The following ADAMTSL1 variants were observed in gnomAD, a reference collection of about 807,000 sequenced individuals.
ADAMTSL1 encodes the protein ADAMTS-like protein 1.
A neutral mutation model predicts 201.8 loss-of-function variants in ADAMTSL1; 126 were observed. That is an observed-to-expected ratio of 0.62 (90% CI 0.54 to 0.72). The LOEUF (loss-of-function observed/expected upper bound fraction) is 0.72. Ranked by LOEUF, ADAMTSL1 falls within the 30% of genes least tolerant of loss-of-function variation. The pLI is 0.00. For missense variants in ADAMTSL1, 2,679 were observed against 2,277.8 expected (o/e 1.18, Z -3.59); for synonymous variants, 1,121 against 903.4 (o/e 1.24, Z -4.32).
At chr9:18,795,549 T>A in intron 20 of ADAMTSL1, 25 bp downstream of exon 20, 3 of 1,585,950 alleles carry the variant, frequency 1.9e-6, no homozygotes, top group Non-Finnish European at 1.7e-6. Flanking sequence ...CCTGTTCTGT[T>A]CATTTCATAA....
intron 1 of ADAMTSL1, among the ~76,000 whole-genome samples, chr9:18,134,600 G>A (rs532814805): frequency 2.0e-5 from 3 of 152,294 alleles, no homozygotes; most frequent in Admixed American, 6.5e-5. Context: ...TTTAACTGAA[G>A]CACACATTTG....
At chr9:17,983,044 A>ATTT (rs1818776574) in intron 1 of ADAMTSL1, among the ~76,000 whole-genome samples, 2 of 79,578 alleles carry the variant, frequency 2.5e-5, no homozygotes, top group Non-Finnish European at 5.7e-5. Context: ...TTTTTTTTTC[A>ATTT]TTTTCTTTTT....
intron 19 of ADAMTSL1, 128 bp from the exon 20 acceptor site, chr9:18,795,269 G>A (rs976211052): frequency 5.8e-6 from 7 of 1,201,250 alleles, no homozygotes; most frequent in Non-Finnish European, 5.8e-6. Context: ...CCTTGTAGCT[G>A]GTTTGTCTCT....
At chr9:18,635,918 A>T (rs1827082155) in intron 5 of ADAMTSL1, 25 bp from the exon 6 acceptor site, 1 of 1,588,084 alleles carries the variant, frequency 6.3e-7, no homozygotes, top group Non-Finnish European at 8.5e-7. Flanking sequence ...ACATGCTTTT[A>T]AGATTTTGCT....
At chr9:18,194,803 T>G (rs1386877726) in intron 2 of ADAMTSL1, among the ~76,000 whole-genome samples, 1 of 152,028 alleles carries the variant, frequency 6.6e-6, no homozygotes, top group Non-Finnish European at 1.5e-5. Flanking sequence ...TGCCTAGACT[T>G]TCTGTACACC....
At chr9:17,949,820 A>G (rs1236236503) in intron 1 of ADAMTSL1, among the ~76,000 whole-genome samples, 1 of 152,170 alleles carries the variant, frequency 6.6e-6, no homozygotes, top group Admixed American at 6.5e-5. Context: ...GGTCTGTGAC[A>G]TGATTTCCTG....
chr9:18,220,497 T>TGTCA (rs1470517565), intron 2 of ADAMTSL1, among the ~76,000 whole-genome samples: 1 of 152,180 alleles, frequency 6.6e-6, no homozygotes, highest in Non-Finnish European at 1.5e-5. Context: ...TCATCTTTAG[T>TGTCA]GTCAGTATGT....
At chr9:18,906,412 C>T (rs1196080361) in intron 27 of ADAMTSL1, among the ~76,000 whole-genome samples, 1 of 152,190 alleles carries the variant, frequency 6.6e-6, no homozygotes, top group Non-Finnish European at 1.5e-5. Flanking sequence ...TGAGACCAGG[C>T]TCTGCCGGTG....
At chr9:17,951,377 A>T (rs981890563) in intron 1 of ADAMTSL1, among the ~76,000 whole-genome samples, 2 of 152,004 alleles carry the variant, frequency 1.3e-5, no homozygotes, top group East Asian at 1.9e-4. Context: ...TTGGCATACA[A>T]TTTTTTTTAA....
At chr9:18,668,723 C>T (rs1398956567) in intron 9 of ADAMTSL1, among the ~76,000 whole-genome samples, 1 of 152,154 alleles carries the variant, frequency 6.6e-6, no homozygotes, top group Non-Finnish European at 1.5e-5. Context: ...AAGCAGTCAC[C>T]AAACATCAGC....
At chr9:18,423,112 C>A (rs1289409502) in intron 2 of ADAMTSL1, among the ~76,000 whole-genome samples, 1 of 152,150 alleles carries the variant, frequency 6.6e-6, no homozygotes, top group African/African-American at 2.4e-5. Flanking sequence ...TTTTCCGAGG[C>A]CTTTCGCTGG....
At chr9:18,396,581 T>C (rs2133244743) in intron 2 of ADAMTSL1, among the ~76,000 whole-genome samples, 1 of 148,398 alleles carries the variant, frequency 6.7e-6, no homozygotes, top group African/African-American at 2.4e-5. Context: ...TTTACATTAA[T>C]AAATATTAAA....
intron 2 of ADAMTSL1, among the ~76,000 whole-genome samples, chr9:18,223,387 C>A (rs1554641286): frequency 6.6e-6 from 1 of 152,024 alleles, no homozygotes; most frequent in Non-Finnish European, 1.5e-5. Flanking sequence ...AGATACTCAA[C>A]CTGTATCTCC....
intron 1 of ADAMTSL1, among the ~76,000 whole-genome samples, chr9:18,074,075 G>A (rs1823086147): frequency 6.6e-6 from 1 of 151,508 alleles, no homozygotes; most frequent in African/African-American, 2.4e-5. Flanking sequence ...CTCATTTTTT[G>A]GAGCATCTAA....
chr9:18,174,359 G>A (rs1828042960), intron 2 of ADAMTSL1, among the ~76,000 whole-genome samples: 1 of 152,136 alleles, frequency 6.6e-6, no homozygotes, highest in Non-Finnish European at 1.5e-5. Flanking sequence ...AGTTGAAAAG[G>A]AGTGGTTGGG....
intron 1 of ADAMTSL1, among the ~76,000 whole-genome samples, chr9:17,982,999 G>T (rs958761206): frequency 6.6e-6 from 1 of 150,958 alleles, no homozygotes; most frequent in Admixed American, 6.6e-5. Flanking sequence ...ATTGGGGCTA[G>T]GCATTAGTAC....
At chr9:18,825,820 G>C (rs576103666) in intron 21 of ADAMTSL1, among the ~76,000 whole-genome samples, 1 of 151,342 alleles carries the variant, frequency 6.6e-6, no homozygotes, top group East Asian at 1.9e-4. Context: ...ATGTACTCTT[G>C]TGTCTGCCAT....
chr9:18,117,515 T>G (rs1330880093), intron 1 of ADAMTSL1, among the ~76,000 whole-genome samples: 3 of 152,146 alleles, frequency 2.0e-5, no homozygotes, highest in Non-Finnish European at 4.4e-5. Context: ...CCTTTAAATC[T>G]TAGCTGAACT....
In ADAMTSL1 at chr9:18,573,051, G is replaced by A. The variant is rs182361262; in HGVS notation, c.238-979G>A. ...TGAGATTTATTATTCATTAGATAATGGCCATTGTTAGCCATAGTTTTACAT... is the reference window on the plus strand; with the variant it reads ...TGAGATTTATTATTCATTAGATAATAGCCATTGTTAGCCATAGTTTTACAT... On this transcript the variant is annotated intron_variant, in intron 3 of 28. Transcript: ENST00000380548. Among the ~76,000 whole-genome samples the A allele has an allele frequency of 1.7e-4, 26 of 152,166 alleles. No homozygotes were observed. The East Asian group carries it at 3.9e-3, about 23-fold the overall frequency.
Sources: allele counts gnomAD v4.1 joint callset (sites outside exome capture counted in the v4.1 genomes callset), GRCh38; gene constraint gnomAD v4.1.1; transcripts MANE v1.5; gene names NCBI Gene and HGNC (gene_info 2026-07-23, HGNC 2026-07-21).